OSBPL8: variants seen among roughly 807,000 people sequenced by gnomAD.
OSBPL8 encodes oxysterol-binding protein-related protein 8.
Under a neutral mutation model 125.5 loss-of-function variants are expected in OSBPL8, and 59 were observed. The ratio of observed to expected loss-of-function variants is 0.47; its 90% CI spans 0.38 to 0.58. The LOEUF (loss-of-function observed/expected upper bound fraction) is 0.58. OSBPL8 is among the 20% of genes least tolerant of loss of function. The probability of loss-of-function intolerance (pLI) is 0.00; values close to 1 mark genes in which losing one functional copy is unlikely to be tolerated. For missense variants in OSBPL8, 758 were observed against 1,047.8 expected, an observed-to-expected ratio of 0.72 and a Z score of 3.82; for synonymous variants, 330 against 338.9, an observed-to-expected ratio of 0.97 and a Z score of 0.29.
At chr12:76,519,919 G>T (rs924732099) in intron 1 of OSBPL8, among the ~76,000 whole-genome samples, 2 of 152,060 alleles carry the variant, frequency 1.3e-5, no homozygotes, top group African/African-American at 4.8e-5. Context: ...TCCAACAGTG[G>T]GAATCACATT....
chr12:76,434,691 A>C (rs1433311469), intron 4 of OSBPL8, among the ~76,000 whole-genome samples: 1 of 152,202 alleles, frequency 6.6e-6, no homozygotes, highest in Non-Finnish European at 1.5e-5. Context: ...ACCTAATTAA[A>C]AAGTGAGCAA....
At chr12:76,430,711 C>T (rs967712707) in intron 4 of OSBPL8, among the ~76,000 whole-genome samples, 3 of 152,122 alleles carry the variant, frequency 2.0e-5, no homozygotes, top group Non-Finnish European at 4.4e-5. Context: ...GGCCAGAAGA[C>T]AGTAGAATGA....
intron 7 of OSBPL8, 120 bp downstream of exon 7, chr12:76,399,753 G>A (rs1292422957): frequency 3.2e-6 from 2 of 620,906 alleles, no homozygotes; most frequent in Middle Eastern, 2.6e-4. Flanking sequence ...TTCTTTGCCA[G>A]TGAAAAACAA....
At chr12:76,516,807 C>T (rs192679020) in intron 1 of OSBPL8, among the ~76,000 whole-genome samples, 147 of 133,844 alleles carry the variant, frequency 1.1e-3, no homozygotes, top group African/African-American at 4.5e-3. Flanking sequence ...CTTTCCTTTT[C>T]TTTTCTTTTC....
chr12:76,506,033 C>T (rs1180675565), intron 1 of OSBPL8, among the ~76,000 whole-genome samples: 1 of 152,022 alleles, frequency 6.6e-6, no homozygotes, highest in Non-Finnish European at 1.5e-5. Flanking sequence ...GCACAGGAAC[C>T]GTAGTAGGAG....
rs551127884 is a variant in OSBPL8, at chr12:76,378,133, T to G, written c.1729+319A>C. On this transcript the variant is annotated intron_variant, in intron 16 of 23. Transcript: ENST00000261183. ...GTGGTGCAAAAAGATGAAAATCATC[T>G]TTACAGATTCTGAAATAATAGACGG... Among the ~76,000 whole-genome samples, 5 of 152,302 alleles carry G rather than the reference T, an allele frequency of 3.3e-5. No homozygotes were observed. The East Asian group carries it at 9.7e-4, about 29-fold the overall frequency.
chr12:76,531,915 T>C, intron 1 of OSBPL8, among the ~76,000 whole-genome samples: 1 of 151,586 alleles, frequency 6.6e-6, no homozygotes, highest in East Asian at 1.9e-4. Context: ...TGGGCACCTG[T>C]AGTCCCAGCT....
intron 7 of OSBPL8, among the ~76,000 whole-genome samples, chr12:76,398,431 AG>A (rs202114218): frequency 0.024 from 3,663 of 152,302 alleles, 82 homozygotes; most frequent in African/African-American, 0.064. Flanking sequence ...AATTACATAA[AG>A]TATGCCATTT....
intron 1 of OSBPL8, among the ~76,000 whole-genome samples, chr12:76,501,262 C>T (rs889446097): frequency 2.0e-5 from 3 of 152,182 alleles, no homozygotes; most frequent in Non-Finnish European, 2.9e-5. Context: ...CTTCCCAATA[C>T]AATTTTCACT....
At chr12:76,552,880 A>G (rs1342862689) in intron 1 of OSBPL8, among the ~76,000 whole-genome samples, 1 of 152,220 alleles carries the variant, frequency 6.6e-6, no homozygotes, top group African/African-American at 2.4e-5. Flanking sequence ...CTACCAATGG[A>G]TATTTGTAAA....
chr12:76,522,624 C>T (rs1056296440), intron 1 of OSBPL8, among the ~76,000 whole-genome samples: 3 of 152,146 alleles, frequency 2.0e-5, no homozygotes, highest in African/African-American at 4.8e-5. Flanking sequence ...TTGACCTTCT[C>T]TGTCATGTTC....
chr12:76,397,543 G>A, intron 8 of OSBPL8, 151 bp downstream of exon 8: 1 of 761,564 alleles, frequency 1.3e-6, no homozygotes, highest in Non-Finnish European at 2.1e-6. Flanking sequence ...ATTTTGTTGT[G>A]GGTAGAGGCA....
At chr12:76,359,744 A>G (rs1952125581) in intron 21 of OSBPL8, among the ~76,000 whole-genome samples, 1 of 152,168 alleles carries the variant, frequency 6.6e-6, no homozygotes, top group African/African-American at 2.4e-5. Flanking sequence ...AAAAGTGGAA[A>G]CCTCTGATAA....
intron 2 of OSBPL8, among the ~76,000 whole-genome samples, chr12:76,464,334 T>C (rs1315159839): frequency 6.6e-6 from 1 of 152,178 alleles, no homozygotes; most frequent in Non-Finnish European, 1.5e-5. Flanking sequence ...TATGTTATTG[T>C]TTACCATTGT....
At position 76,375,269 on chromosome 12, in the gene OSBPL8, T is replaced by C. The variant is rs771381242; in HGVS notation, c.1827+4A>G. 6.3e-7 allele frequency: 1 copy of C among 1,585,130 alleles called. No homozygotes were observed. Among genetic ancestry groups the C allele is most frequent in the Non-Finnish European group, 8.7e-7 (1 of 1,155,210 alleles). Reference sequence around the variant, plus strand: ...AGGTGATACCTACTGTATTGTCTACTAACCTTTAGTTTAAATTCAAGTATT... The same window carrying C: ...AGGTGATACCTACTGTATTGTCTACCAACCTTTAGTTTAAATTCAAGTATT... On this transcript the variant is annotated splice_donor_region_variant and intron_variant, in intron 17 of 23. Transcript: ENST00000261183.
intron 23 of OSBPL8, 107 bp downstream of exon 23, chr12:76,356,519 T>C: frequency 1.5e-6 from 1 of 668,678 alleles, no homozygotes; most frequent in Non-Finnish European, 2.5e-6. Flanking sequence ...TATTTTAGCT[T>C]AGCTAAATGT....
intron 3 of OSBPL8, among the ~76,000 whole-genome samples, chr12:76,459,490 TAA>T (rs1874450235): frequency 6.6e-6 from 1 of 152,158 alleles, no homozygotes; most frequent in Non-Finnish European, 1.5e-5. Flanking sequence ...TCTGACAAAA[TAA>T]AAGTGTTTCT....
Position 76,353,692 on chromosome 12 carries a change from T to A in OSBPL8, c.*2197A>T, listed in dbSNP as rs1365430548. Reference sequence around the variant, plus strand: ...CCAATTCCTGAGTTTTGTGTTCAGTTCATAGAAAGAGACTCATACAACTAA... The same window carrying A: ...CCAATTCCTGAGTTTTGTGTTCAGTACATAGAAAGAGACTCATACAACTAA... On this transcript the variant is annotated 3_prime_UTR_variant, in exon 24 of 24. Coordinates refer to ENST00000261183, the MANE Select transcript of OSBPL8 (RefSeq NM_020841.5). 2 of 152,434 alleles carry A rather than the reference T, an allele frequency of 1.3e-5. No individual in the cohort carries two copies. Among genetic ancestry groups the A allele is most frequent in the African/African-American group, 4.8e-5 (2 of 41,448 alleles). 9.4% of individuals were successfully genotyped at this position (152,434 alleles called of 1,614,324 possible).
At chr12:76,493,346 T>G (rs1028191018) in intron 1 of OSBPL8, among the ~76,000 whole-genome samples, 1 of 152,218 alleles carries the variant, frequency 6.6e-6, no homozygotes, top group African/African-American at 2.4e-5. Context: ...TGTTTTCATG[T>G]TACTAATTAG....
Sources: allele counts gnomAD v4.1 joint callset (sites outside exome capture counted in the v4.1 genomes callset), GRCh38; gene constraint gnomAD v4.1.1; transcripts MANE v1.5; gene names NCBI Gene and HGNC (gene_info 2026-07-23, HGNC 2026-07-21).